Variants in AVEN observed in about 807,000 individuals in gnomAD.
The protein encoded by AVEN is apoptosis and caspase activation inhibitor, also known as cell death regulator Aven.
AVEN carries 41 observed loss-of-function variants against 38.1 expected under a neutral mutation model. That is an observed-to-expected ratio of 1.08 (90% CI 0.84 to 1.40). AVEN has a LOEUF of 1.40. Ranked by LOEUF, AVEN falls within the 40% of genes most tolerant of loss-of-function variation. AVEN has a pLI of 0.00. For missense variants in AVEN, 605 were observed against 438.8 expected, an observed-to-expected ratio of 1.38 and a Z score of -3.38; for synonymous variants, 206 against 171.8, an observed-to-expected ratio of 1.20 and a Z score of -1.56.
At chr15:33,980,374 G>A (rs567504425) in intron 2 of AVEN, among the ~76,000 whole-genome samples, 1 of 152,256 alleles carries the variant, frequency 6.6e-6, no homozygotes, top group East Asian at 1.9e-4. Context: ...CTGCTCTAAC[G>A]TGATTCCACC....
intron 2 of AVEN, among the ~76,000 whole-genome samples, chr15:33,891,783 T>C (rs1452979915): frequency 6.6e-6 from 1 of 152,228 alleles, no homozygotes; most frequent in Non-Finnish European, 1.5e-5. Flanking sequence ...TTTCTAGTTC[T>C]AGATCCTTGA....
At chr15:33,881,104 G>C (rs190474122) in intron 2 of AVEN, among the ~76,000 whole-genome samples, 1 of 152,160 alleles carries the variant, frequency 6.6e-6, no homozygotes, top group East Asian at 1.9e-4. Context: ...TTTTATTTTA[G>C]TGGAGATTGG....
At chr15:33,985,987 C>T (rs2140546521) in intron 2 of AVEN, among the ~76,000 whole-genome samples, 1 of 152,290 alleles carries the variant, frequency 6.6e-6, no homozygotes, top group East Asian at 1.9e-4. Context: ...ACATAGCATT[C>T]CCCCATGGAG....
At chr15:34,031,168 A>ATTTTTTTTTTTTTTTTTTTTTTTTTT (rs34414446) in intron 1 of AVEN, among the ~76,000 whole-genome samples, 2 of 67,590 alleles carry the variant, frequency 3.0e-5, no homozygotes, top group Non-Finnish European at 5.1e-5. Flanking sequence ...GCTTAGGTTA[A>ATTTTTTTTTTTTTTTTTTTTTTTTTT]TTTTTTTTTT....
chr15:33,853,816 A>C (rs193157783), downstream of AVEN: 5 of 1,131,448 alleles, frequency 4.4e-6, no homozygotes, highest in East Asian at 1.2e-4. Context: ...TCTAGGTTCT[A>C]ACACTGGGAG....
At chr15:33,880,511 C>G (rs1267359333) in intron 2 of AVEN, among the ~76,000 whole-genome samples, 1 of 152,096 alleles carries the variant, frequency 6.6e-6, no homozygotes, top group South Asian at 2.1e-4. Flanking sequence ...ATGACTGCAT[C>G]CTGTAAGTTA....
At chr15:34,062,715 A>G in intron 5 of AVEN, 1 of 1,601,344 alleles carries the variant, frequency 6.2e-7, no homozygotes, top group Non-Finnish European at 8.5e-7. Context: ...TTTTTGCACC[A>G]GGATGGAAGG....
rs551036755 is a variant in AVEN, at chr15:33,961,768, G to A, written c.445+41264C>T. Among the ~76,000 whole-genome samples, 43 of 125,520 alleles carry A rather than the reference G, an allele frequency of 3.4e-4. No homozygotes were observed. In the East Asian group the frequency reaches 4.1e-3, roughly 12 times the overall value. 82.3% of individuals were successfully genotyped at this position (125,520 alleles called of 152,430 possible). Reference sequence around the variant, plus strand: ...GCGGAGCTTGCAGTGAGCCGAGATCGCGCCACTGCACTCCAGCCTGGGCGA... The same window carrying A: ...GCGGAGCTTGCAGTGAGCCGAGATCACGCCACTGCACTCCAGCCTGGGCGA... On this transcript the variant is annotated intron_variant, in intron 2 of 5. Transcript: ENST00000306730.
chr15:33,859,345 C>T (rs2080087805), intron 11 of AVEN, among the ~76,000 whole-genome samples: 1 of 152,290 alleles, frequency 6.6e-6, no homozygotes, highest in South Asian at 2.1e-4. Flanking sequence ...CCTAAAAATA[C>T]CTTTTAAAAG....
chr15:34,068,367 G>A lies in AVEN; in HGVS notation n.785-1556C>T, dbSNP rs189130224. 1.6e-4 allele frequency among the ~76,000 whole-genome samples: 24 copies of A among 151,948 alleles called. No homozygotes were observed. The East Asian group carries it at 3.9e-3, about 25-fold the overall frequency. ...ATTACAGACGCACGCCACCACGCCA[G>A]GTTAATTTTTTCTACTTTTTGTAGA... On this transcript the variant is annotated intron_variant and non_coding_transcript_variant, in intron 2 of 11. Transcript: ENST00000675287.
intron 1 of AVEN, chr15:34,018,590 G>C (rs1275325983): frequency 2.6e-5 from 4 of 152,152 alleles, no homozygotes; most frequent in Admixed American, 1.3e-4. Context: ...AGCTCATAAA[G>C]GTAGTGCAGA....
chr15:33,986,080 A>G (rs1896438492), intron 2 of AVEN, among the ~76,000 whole-genome samples: 1 of 144,566 alleles, frequency 6.9e-6, no homozygotes, highest in South Asian at 2.3e-4. Flanking sequence ...AAAACCTCAC[A>G]TTTCACTGTA....
At chr15:34,034,367 G>T (rs1375305605) in intron 1 of AVEN, among the ~76,000 whole-genome samples, 1 of 151,088 alleles carries the variant, frequency 6.6e-6, no homozygotes, top group African/African-American at 2.4e-5. Context: ...CTTGAGTACA[G>T]CAGTTGAAGG....
At chr15:33,897,714 C>T (rs564007688) in intron 2 of AVEN, among the ~76,000 whole-genome samples, 240 of 151,906 alleles carry the variant, frequency 1.6e-3, no homozygotes, top group Non-Finnish European at 2.1e-3. Context: ...CTTATCTCTA[C>T]TAAAAATCAA....
At chr15:33,990,873 A>G (rs1411409912) in intron 2 of AVEN, 1 of 152,280 alleles carries the variant, frequency 6.6e-6, no homozygotes, top group Non-Finnish European at 1.5e-5. Flanking sequence ...TTACCTAACA[A>G]CAGATTTTAA....
At chr15:33,930,285 T>G (rs747313179) in intron 2 of AVEN, among the ~76,000 whole-genome samples, 50 of 151,632 alleles carry the variant, frequency 3.3e-4, no homozygotes, top group Non-Finnish European at 5.4e-4. Flanking sequence ...TGACATCTAG[T>G]CACCCAAGAT....
At chr15:33,927,087 T>C (rs1893637281) in intron 2 of AVEN, among the ~76,000 whole-genome samples, 1 of 152,040 alleles carries the variant, frequency 6.6e-6, no homozygotes, top group South Asian at 2.1e-4. Flanking sequence ...ACCCCATCTC[T>C]ACTAAAAATA....
At chr15:33,869,038 G>C (rs747259930) in intron 4 of AVEN, among the ~76,000 whole-genome samples, 2 of 152,172 alleles carry the variant, frequency 1.3e-5, no homozygotes. Flanking sequence ...TGGAGGTCCT[G>C]ACCCCTTATT....
At chr15:33,899,435 T>C (rs149903497) in intron 2 of AVEN, among the ~76,000 whole-genome samples, 1,789 of 149,106 alleles carry the variant, frequency 0.012, 34 homozygotes, top group African/African-American at 0.041. Context: ...TCAAAGTGTT[T>C]ACATTTATTT....
Sources: gnomAD v4.1 joint callset for allele counts (sites outside exome capture counted in the v4.1 genomes callset) on GRCh38, gnomAD v4.1.1 for gene constraint, MANE v1.5 for transcripts, NCBI Gene and HGNC (gene_info 2026-07-23, HGNC 2026-07-21) for gene names.